The following ERI1 variants were observed in gnomAD, a reference collection of about 807,000 sequenced individuals.
ERI1 encodes exoribonuclease 1, also known as 3'-5' exoribonuclease 1.
In ERI1, 39 loss-of-function variants were observed where a neutral mutation model predicts 39.7. That is an observed-to-expected ratio of 0.98 (90% CI 0.76 to 1.28). The LOEUF (loss-of-function observed/expected upper bound fraction) is 1.28, where lower values mean the gene tolerates loss of function less well. ERI1 is among the 50% of genes most tolerant of loss of function. The probability of loss-of-function intolerance (pLI) is 0.00; values close to 1 mark genes in which losing one functional copy is unlikely to be tolerated. For missense variants in ERI1, 581 were observed against 416.9 expected (o/e 1.39, Z -3.43); for synonymous variants, 204 against 149.6 (o/e 1.36, Z -2.65).
downstream of ERI1, among the ~76,000 whole-genome samples, chr8:9,033,637 G>C (rs2117324742): frequency 6.6e-6 from 1 of 152,370 alleles, no homozygotes; most frequent in South Asian, 2.1e-4. Context: ...TGTTTAGTAA[G>C]AATCTGGTGA....
At chr8:9,007,934 CCTTTTTTTTTTTT>C in intron 1 of ERI1, 23 bp from the exon 2 acceptor site, 1 of 1,071,422 alleles carries the variant, frequency 9.3e-7, no homozygotes, top group Non-Finnish European at 1.2e-6. Context: ...TAAACTACAT[CCTTTTTTTTTTTT>C]TTTTTTTTTT....
chr8:9,035,692 C>T (rs548681595), downstream of ERI1, among the ~76,000 whole-genome samples: 1 of 152,160 alleles, frequency 6.6e-6, no homozygotes, highest in South Asian at 2.1e-4. Flanking sequence ...ATTCCACAGC[C>T]CATGGATCAA....
chr8:9,089,758 T>C (rs531196406), intron 3 of ERI1, among the ~76,000 whole-genome samples: 10 of 152,308 alleles, frequency 6.6e-5, no homozygotes, highest in South Asian at 4.1e-4. Context: ...GTTTTTGTTG[T>C]TTCCCACCAT....
chr8:9,059,413 A>T (rs1798618277), intron 3 of ERI1, among the ~76,000 whole-genome samples: 1 of 152,004 alleles, frequency 6.6e-6, no homozygotes, highest in South Asian at 2.1e-4. Flanking sequence ...ATAACGGGCG[A>T]TGTTTCTCAG....
At chr8:9,028,711 C>T (rs1029132443) in intron 6 of ERI1, among the ~76,000 whole-genome samples, 3 of 152,146 alleles carry the variant, frequency 2.0e-5, no homozygotes, top group Admixed American at 1.3e-4. Flanking sequence ...GTAACCTCTG[C>T]CTCCCGGGTT....
At chr8:9,042,423 AC>A (rs1460637569) in intron 3 of ERI1, among the ~76,000 whole-genome samples, 5 of 152,176 alleles carry the variant, frequency 3.3e-5, no homozygotes, top group Admixed American at 3.3e-4. Flanking sequence ...TAAGAAACAA[AC>A]AGATGCTTAT....
chr8:9,028,258 G>A (rs557287422), intron 6 of ERI1, among the ~76,000 whole-genome samples: 1 of 152,258 alleles, frequency 6.6e-6, no homozygotes, highest in East Asian at 1.9e-4. Flanking sequence ...CTAGGTATAG[G>A]TCTATTCCGA....
intron 1 of ERI1, among the ~76,000 whole-genome samples, chr8:9,006,762 C>T (rs1161528557): frequency 6.6e-6 from 1 of 152,132 alleles, no homozygotes; most frequent in Admixed American, 6.5e-5. Flanking sequence ...GAACTGCTGA[C>T]CTCTTCCTCA....
chr8:9,071,410 A>G (rs1799047009), intron 3 of ERI1, among the ~76,000 whole-genome samples: 1 of 152,250 alleles, frequency 6.6e-6, no homozygotes, highest in Non-Finnish European at 1.5e-5. Flanking sequence ...GGAATTCAAT[A>G]TAATTAAAAG....
At chr8:9,006,937 C>T (rs1247811360) in intron 1 of ERI1, among the ~76,000 whole-genome samples, 1 of 152,144 alleles carries the variant, frequency 6.6e-6, no homozygotes, top group African/African-American at 2.4e-5. Flanking sequence ...GATTATCCTT[C>T]CTTGATCTAT....
At chr8:9,035,485 C>G (rs1043264603), downstream of ERI1, among the ~76,000 whole-genome samples, 3 of 152,142 alleles carry the variant, frequency 2.0e-5, no homozygotes, top group African/African-American at 7.2e-5. Flanking sequence ...AACGGCAAAG[C>G]CTGAATGACA....
intron 3 of ERI1, among the ~76,000 whole-genome samples, chr8:9,070,103 G>T (rs576116858): frequency 6.6e-6 from 1 of 151,998 alleles, no homozygotes; most frequent in South Asian, 2.1e-4. Flanking sequence ...GCTGGGCTTG[G>T]TGGCAGGCAC....
At chr8:9,042,293 A>G (rs1444937498) in intron 3 of ERI1, among the ~76,000 whole-genome samples, 1 of 152,202 alleles carries the variant, frequency 6.6e-6, no homozygotes, top group Non-Finnish European at 1.5e-5. Flanking sequence ...TGTGGCACAC[A>G]AGATTTCAAC....
chr8:9,092,253 C>T (rs775211481), intron 3 of ERI1, among the ~76,000 whole-genome samples: 3 of 152,092 alleles, frequency 2.0e-5, no homozygotes, highest in South Asian at 2.1e-4. Context: ...CACTGTGCCC[C>T]GCCTGTGTAT....
At chr8:9,004,208 A>G in intron 1 of ERI1, 2 of 1,282,602 alleles carry the variant, frequency 1.6e-6, no homozygotes, top group Admixed American at 2.3e-5. Flanking sequence ...TGTTATTTCA[A>G]AGAGTACTTG....
intron 3 of ERI1, among the ~76,000 whole-genome samples, chr8:9,041,076 G>A (rs1401790565): frequency 6.6e-6 from 1 of 152,184 alleles, no homozygotes; most frequent in Non-Finnish European, 1.5e-5. Context: ...CAGCGATTAC[G>A]CTGCACTTCT....
intron 2 of ERI1, chr8:9,009,002 C>A (rs966940987): frequency 4.4e-6 from 2 of 456,022 alleles, no homozygotes; most frequent in African/African-American, 4.0e-5. Flanking sequence ...ATTTTTGACT[C>A]CTATTTCCCC....
chr8:9,012,138 G>C (rs1816739523), intron 3 of ERI1, among the ~76,000 whole-genome samples: 1 of 152,198 alleles, frequency 6.6e-6, no homozygotes, highest in Admixed American at 6.5e-5. Flanking sequence ...AAGCTTTTCA[G>C]TTGGTTTTAA....
chr8:9,026,215 G>A (rs1456052389), intron 6 of ERI1, among the ~76,000 whole-genome samples: 1 of 152,136 alleles, frequency 6.6e-6, no homozygotes, highest in African/African-American at 2.4e-5. Context: ...GGGTTTTTGG[G>A]ATTAGGAATG....
Sources: allele counts gnomAD v4.1 joint callset (sites outside exome capture counted in the v4.1 genomes callset), GRCh38; gene constraint gnomAD v4.1.1; transcripts MANE v1.5; gene names NCBI Gene and HGNC (gene_info 2026-07-23, HGNC 2026-07-21).